DMC1: variants seen among roughly 807,000 people sequenced by gnomAD.
DMC1 encodes meiotic recombination protein DMC1 homolog.
Under a neutral mutation model 50.1 loss-of-function variants are expected in DMC1, and 27 were observed. That is an observed-to-expected ratio of 0.54 (90% CI 0.40 to 0.74). The LOEUF (loss-of-function observed/expected upper bound fraction) is 0.74, where lower values mean the gene tolerates loss of function less well. Ranked by LOEUF, DMC1 falls within the 30% of genes least tolerant of loss-of-function variation. The pLI is 0.00. For synonymous variants in DMC1, 148 were observed against 136.1 expected (o/e 1.09, Z -0.61); for missense variants, 295 against 420.2 (o/e 0.70, Z 2.60).
downstream of DMC1, among the ~76,000 whole-genome samples, chr22:38,517,393 A>AC (rs373446774): frequency 1.0e-3 from 159 of 151,468 alleles, no homozygotes; most frequent in African/African-American, 3.7e-3. Context: ...ACATGGTGAA[A>AC]CCCCATCTCT....
At chr22:38,523,195 A>G (rs1043665687) in intron 12 of DMC1, among the ~76,000 whole-genome samples, 4 of 152,192 alleles carry the variant, frequency 2.6e-5, no homozygotes, top group African/African-American at 7.2e-5. Context: ...GACAGTTGAG[A>G]CTAACGGCGG....
chr22:38,562,236 A>G (rs1341470097), intron 5 of DMC1, 51 bp downstream of exon 5: 1 of 1,162,972 alleles, frequency 8.6e-7, no homozygotes, highest in East Asian at 2.3e-5. Context: ...GAAAAGAAAC[A>G]TGGTATTCCA....
At chr22:38,520,426 C>T (rs564245695) in intron 13 of DMC1, among the ~76,000 whole-genome samples, 3 of 151,426 alleles carry the variant, frequency 2.0e-5, no homozygotes, top group Non-Finnish European at 2.9e-5. Context: ...GGTGAGATCT[C>T]GTCTCACTGC....
intron 6 of DMC1, among the ~76,000 whole-genome samples, chr22:38,554,977 G>A (rs1004090954): frequency 6.6e-6 from 1 of 151,858 alleles, no homozygotes; most frequent in Non-Finnish European, 1.5e-5. Context: ...CCAGCTACTC[G>A]GGAGGCTGAG....
intron 5 of DMC1, among the ~76,000 whole-genome samples, chr22:38,556,908 G>C (rs1488152582): frequency 1.3e-5 from 2 of 152,070 alleles, no homozygotes; most frequent in East Asian, 1.9e-4. Flanking sequence ...ACTTCAATAA[G>C]GAAAAGAAAA....
At chr22:38,555,839 T>A (rs11570400) in intron 5 of DMC1, among the ~76,000 whole-genome samples, 12,430 of 151,116 alleles carry the variant, frequency 0.082, 1,103 homozygotes, top group African/African-American at 0.23. Flanking sequence ...TATTATTATT[T>A]TTTTTTTTTC....
intron 5 of DMC1, among the ~76,000 whole-genome samples, chr22:38,561,065 G>A (rs1015188307): frequency 1.3e-5 from 2 of 151,692 alleles, no homozygotes; most frequent in African/African-American, 2.4e-5. Flanking sequence ...TGGCATGATC[G>A]CGGCTCACTA....
At chr22:38,558,673 C>G (rs2145981564) in intron 5 of DMC1, among the ~76,000 whole-genome samples, 1 of 152,062 alleles carries the variant, frequency 6.6e-6, no homozygotes, top group East Asian at 2.0e-4. Context: ...CGAGATCATG[C>G]CACTGCACTC....
chr22:38,541,814 C>T (rs1278982614), intron 8 of DMC1, among the ~76,000 whole-genome samples: 1 of 151,888 alleles, frequency 6.6e-6, no homozygotes, highest in Non-Finnish European at 1.5e-5. Context: ...GGGCTTAAAT[C>T]CTCAACAAAA....
the DMC1 span, among the ~76,000 whole-genome samples, chr22:38,510,636 T>C: frequency 6.6e-6 from 1 of 152,146 alleles, no homozygotes; most frequent in Non-Finnish European, 1.5e-5. Context: ...GCTATTTCCT[T>C]CCTCCCCGCA....
Position 38,538,627 on chromosome 22 carries a change from A to C in DMC1, c.587-15T>G. The C allele has an allele frequency of 1.2e-6, 2 of 1,608,950 alleles. No homozygotes were observed. Among genetic ancestry groups the C allele is most frequent in the African/African-American group, 2.7e-5 (2 of 74,944 alleles). ...CTGATGTTCACCTGATGGGAAATGCAGTGAGAAAATGTTATAAAAGTTGAA... is the reference window on the plus strand; with the variant it reads ...CTGATGTTCACCTGATGGGAAATGCCGTGAGAAAATGTTATAAAAGTTGAA... On this transcript the variant is annotated splice_polypyrimidine_tract_variant and intron_variant, in intron 9 of 13. Coordinates refer to ENST00000216024, the MANE Select transcript of DMC1 (RefSeq NM_007068.4).
At chr22:38,552,445 A>C (rs982783467) in intron 7 of DMC1, among the ~76,000 whole-genome samples, 3 of 152,118 alleles carry the variant, frequency 2.0e-5, no homozygotes, top group Non-Finnish European at 4.4e-5. Flanking sequence ...ACTTCTCTCT[A>C]TTTCTACTCA....
chr22:38,513,071 T>TAG, the DMC1 span, among the ~76,000 whole-genome samples: 2 of 149,814 alleles, frequency 1.3e-5, no homozygotes, highest in Non-Finnish European at 3.0e-5. Context: ...GTGACAGAGC[T>TAG]AGAGTCTGTC....
intron 12 of DMC1, among the ~76,000 whole-genome samples, chr22:38,535,857 C>T (rs1487528477): frequency 1.3e-5 from 2 of 151,702 alleles, no homozygotes; most frequent in African/African-American, 4.8e-5. Context: ...ATCCTCCCAC[C>T]TCGGCCTCCC....
At chr22:38,525,372 T>A (rs2090077133) in intron 12 of DMC1, among the ~76,000 whole-genome samples, 1 of 152,140 alleles carries the variant, frequency 6.6e-6, no homozygotes, top group Admixed American at 6.6e-5. Context: ...TTCCCCCAGT[T>A]GAAGCACCAT....
intron 12 of DMC1, among the ~76,000 whole-genome samples, chr22:38,535,290 C>A (rs1470536447): frequency 6.7e-6 from 1 of 150,274 alleles, no homozygotes; most frequent in Admixed American, 6.6e-5. Flanking sequence ...CAGAGCGAGA[C>A]TCCGTCTCAA....
chr22:38,539,878 A>G (rs117760547), intron 8 of DMC1, among the ~76,000 whole-genome samples: 17 of 152,302 alleles, frequency 1.1e-4, no homozygotes, highest in Non-Finnish European at 2.2e-4. Flanking sequence ...TTATAATTCA[A>G]TAACTGCAAA....
At chr22:38,536,584 A>G (rs1043385823) in intron 12 of DMC1, among the ~76,000 whole-genome samples, 4 of 152,168 alleles carry the variant, frequency 2.6e-5, no homozygotes, top group Non-Finnish European at 5.9e-5. Flanking sequence ...TCTGATAAAT[A>G]TATCTCATGT....
chr22:38,514,661 C>T (rs1056932455), downstream of DMC1, among the ~76,000 whole-genome samples: 1 of 152,142 alleles, frequency 6.6e-6, no homozygotes, highest in African/African-American at 2.4e-5. Context: ...TGAAAGTGAC[C>T]TCTGGTTGTC....
Sources: gnomAD v4.1 joint callset for allele counts (sites outside exome capture counted in the v4.1 genomes callset) on GRCh38, gnomAD v4.1.1 for gene constraint, MANE v1.5 for transcripts, NCBI Gene and HGNC (gene_info 2026-07-23, HGNC 2026-07-21) for gene names.